FCRL4: variants seen among roughly 807,000 people sequenced by gnomAD.
FCRL4 encodes Fc receptor-like protein 4.
FCRL4 carries 43 observed loss-of-function variants against 64.1 expected under a neutral mutation model. The ratio of observed to expected loss-of-function variants is 0.67; its 90% CI spans 0.53 to 0.87. The LOEUF (loss-of-function observed/expected upper bound fraction) is 0.87. FCRL4 is among the 40% of genes least tolerant of loss of function. FCRL4 has a pLI of 0.00. For missense variants in FCRL4, 656 were observed against 613.5 expected, an observed-to-expected ratio of 1.07 and a Z score of -0.73; for synonymous variants, 253 against 239.8, an observed-to-expected ratio of 1.05 and a Z score of -0.51.
rs147238903 is a variant in FCRL4, at chr1:157,595,578, T to C, written c.52+750A>G. Among the ~76,000 whole-genome samples, 6 of 152,374 alleles carry C rather than the reference T, an allele frequency of 3.9e-5. No individual in the cohort carries two copies. In the South Asian group the frequency reaches 8.3e-4, roughly 21 times the overall value. On this transcript the variant is annotated intron_variant, in intron 2 of 11. Transcript: ENST00000271532. ...TGCAGTTAATTCAAGGCACTTTTTG[T>C]ATTTCATTTCCCCATTCTAGAACCA...
At position 157,592,382 on chromosome 1, in the gene FCRL4, C is replaced by T. The variant is rs1247588734; in HGVS notation, c.53-2924G>A. On this transcript the variant is annotated intron_variant, in intron 2 of 11. Coordinates refer to ENST00000271532, the MANE Select transcript of FCRL4 (RefSeq NM_031282.3). ...GCTAATATCCAGAATCTACAAAGAA[C>T]TTAAATTTACAAGAAAAAAAAACCC... Among the ~76,000 whole-genome samples the T allele has an allele frequency of 3.3e-5, 5 of 151,974 alleles. No individual in the cohort carries two copies. The South Asian group carries it at 1.0e-3, about 32-fold the overall frequency.
chr1:157,585,394 C>CTTT (rs1558155158), intron 6 of FCRL4, among the ~76,000 whole-genome samples: 4,435 of 75,796 alleles, frequency 0.059, 308 homozygotes, highest in Admixed American at 0.14. Context: ...TTCTTTCTTT[C>CTTT]CTTCTTTCTT....
chr1:157,574,932 G>A lies in FCRL4; in HGVS notation c.*592C>T, dbSNP rs1652365887. 1 of 214,328 alleles carries A rather than the reference G, an allele frequency of 4.7e-6. No individual in the cohort carries two copies. Among genetic ancestry groups the A allele is most frequent in the Non-Finnish European group, 9.4e-6 (1 of 106,256 alleles). The allele number at this position is 214,328 out of a possible 1,614,324, so 13.3% of individuals were successfully genotyped here. The stretch of plus-strand genomic sequence containing the variant: ...AGCTTGCATCTCCAGCTCTTCTGAT[G>A]TCCTCTTTTAAATTCCTCTCTCTGT... On this transcript the variant is annotated 3_prime_UTR_variant, in exon 12 of 12. Transcript: ENST00000271532.
At chr1:157,595,375 A>G (rs535947224) in intron 2 of FCRL4, among the ~76,000 whole-genome samples, 242 of 152,312 alleles carry the variant, frequency 1.6e-3, no homozygotes, top group African/African-American at 5.5e-3. Context: ...TAGGTCTTCT[A>G]CTGGAGGGAA....
chr1:157,581,425 G>T, intron 7 of FCRL4, 106 bp downstream of exon 7: 2 of 841,772 alleles, frequency 2.4e-6, no homozygotes, highest in Non-Finnish European at 3.9e-6. Flanking sequence ...GGAGACTTGG[G>T]AGTGGAGACT....
At position 157,587,286 on chromosome 1, in the gene FCRL4, G is replaced by T. The variant is rs767614914; in HGVS notation, c.837C>A (p.Ile279=). 74 of 1,613,888 alleles carry T rather than the reference G, an allele frequency of 4.6e-5. No individual in the cohort carries two copies. The highest frequency in any genetic ancestry group is 5.1e-5 in the Non-Finnish European group (60 of 1,179,936). ...NIHKHSPSLQ[I]HVQRIPVSGV... is the part of the protein sequence containing the mutation. ...CTCTCCAACACTCACGCTGCACATGGATCTGTAGCGAGGGACTGTGCTTGT... is the reference window on the plus strand; with the variant it reads ...CTCTCCAACACTCACGCTGCACATGTATCTGTAGCGAGGGACTGTGCTTGT... Residue 279 remains isoleucine (I), a synonymous_variant, in exon 5 of 12, where the codon ATC becomes ATA. Coordinates refer to ENST00000271532, the MANE Select transcript of FCRL4 (RefSeq NM_031282.3).
Position 157,588,011 on chromosome 1 carries a change from T to C in FCRL4, c.416A>G (p.Asn139Ser). The change falls in exon 4 of 12, where the codon AAT (asparagine) becomes AGT (serine). Residue 139 changes from asparagine (N) to serine (S), a missense_variant. Transcript: ENST00000271532. ...EKLTAVKYTW[N>S]GNILSISNKS... Reference sequence around the variant, plus strand: ...ATTAGAAATGGAAAGAATGTTTCCATTCCAAGTATATTTCACAGCAGTCAA... The same window carrying C: ...ATTAGAAATGGAAAGAATGTTTCCACTCCAAGTATATTTCACAGCAGTCAA... The C allele has an allele frequency of 6.2e-7, 1 of 1,613,312 alleles. No homozygotes were observed. The highest frequency in any genetic ancestry group is 1.6e-4 in the Middle Eastern group (1 of 6,062).
intron 10 of FCRL4, among the ~76,000 whole-genome samples, chr1:157,576,770 A>G (rs1408041566): frequency 6.6e-6 from 1 of 152,242 alleles, no homozygotes; most frequent in Admixed American, 6.5e-5. Context: ...ACAAAGTGAA[A>G]GACAAAACAA....
Position 157,578,520 on chromosome 1 carries a change from CAA to C in FCRL4, c.1381_1382del (p.Leu461GlyfsTer4). ...GAGTAGTCTGGATCTCAGAGTATAC[CAA>C]ATCTCCCTTTTTGGGGTGTACTGGA... Reference protein sequence around the residue: ...YVDVHPKKGDLVYSEIQTTQL... With the variant: ...YVDVHPKKGDXVYSEIQTTQL... On this transcript the variant is annotated frameshift_variant, in exon 10 of 12. Transcript: ENST00000271532. LOFTEE classifies it high-confidence loss of function. 1 of 1,613,976 alleles carries C rather than the reference CAA, an allele frequency of 6.2e-7. No homozygotes were observed.
At chr1:157,578,978 A>G in intron 8 of FCRL4, 126 bp from the exon 9 acceptor site, 1 of 712,434 alleles carries the variant, frequency 1.4e-6, no homozygotes, top group South Asian at 1.9e-5. Flanking sequence ...AGGGAACTGG[A>G]AAGCCTGAAT....
intron 5 of FCRL4, among the ~76,000 whole-genome samples, chr1:157,586,880 T>C (rs1386577461): frequency 1.3e-5 from 2 of 152,218 alleles, no homozygotes; most frequent in African/African-American, 2.4e-5. Flanking sequence ...GTACACATCA[T>C]AGGCACTCAC....
At chr1:157,578,438 A>G (rs1231031429) in intron 10 of FCRL4, 36 bp downstream of exon 10, 3 of 1,523,224 alleles carry the variant, frequency 2.0e-6, no homozygotes, top group African/African-American at 2.7e-5. Context: ...ATGAATGAAT[A>G]TAGTTTGCAG....
At chr1:157,586,595 C>T (rs567260864) in intron 5 of FCRL4, 140 bp from the exon 6 acceptor site, 1 of 695,988 alleles carries the variant, frequency 1.4e-6, no homozygotes, top group African/African-American at 1.8e-5. Context: ...GCCAATAGAC[C>T]ACAGATTTAG....
Position 157,586,329 on chromosome 1 carries a change from C to G in FCRL4, c.974G>C (p.Arg325Pro). 6.2e-7 allele frequency: 1 copy of G among 1,613,844 alleles called. No homozygotes were observed. Among genetic ancestry groups the G allele is most frequent in the Non-Finnish European group, 8.5e-7 (1 of 1,179,994 alleles). ...CCCCAGACTCTCCTGCATGTCCTCTCGGTGCCAGGAGAATGTGGTATCCCC... is the reference window on the plus strand; with the variant it reads ...CCCCAGACTCTCCTGCATGTCCTCTGGGTGCCAGGAGAATGTGGTATCCCC... ...GTGDTTFSWH[R>P]EDMQESLGRK... The change falls in exon 6 of 12, where the codon CGA (arginine) becomes CCA (proline). Residue 325 changes from arginine (R) to proline (P), a missense_variant. Arg to Pro is a moderately radical substitution (Grantham distance 103). Transcript: ENST00000271532.
In FCRL4 at chr1:157,581,610, C is replaced by G. The variant is rs747163553; in HGVS notation, c.1170G>C (p.Ala390=). 1 of 1,613,932 alleles carries G rather than the reference C, an allele frequency of 6.2e-7. No individual in the cohort carries two copies. Among genetic ancestry groups the G allele is most frequent in the African/African-American group, 1.3e-5 (1 of 74,918 alleles). ...CACTGAGCAGCCCTCCAGTGGCTCC[C>G]GCGGCGACAAGGCCATCTCTGTTGC... ...TPGNRDGLVA[A]GATGGLLSAL... Residue 390 remains alanine (A), a synonymous_variant, in exon 7 of 12, where the codon GCG becomes GCC. Coordinates refer to ENST00000271532, the MANE Select transcript of FCRL4 (RefSeq NM_031282.3).
chr1:157,582,142 T>A (rs1652574548), intron 6 of FCRL4, among the ~76,000 whole-genome samples: 1 of 152,186 alleles, frequency 6.6e-6, no homozygotes, highest in Non-Finnish European at 1.5e-5. Context: ...GCCTGTGTGC[T>A]CTGAAGGGCA....
intron 3 of FCRL4, among the ~76,000 whole-genome samples, chr1:157,588,401 A>G (rs1261964558): frequency 6.6e-6 from 1 of 152,198 alleles, no homozygotes; most frequent in Non-Finnish European, 1.5e-5. Flanking sequence ...AATCTCTGAC[A>G]TGATAGAGTA....
At position 157,589,515 on chromosome 1, in the gene FCRL4, T is replaced by C. The variant is rs1652787648; in HGVS notation, c.53-57A>G. ...GAGGTGCCTGCAGTCCCAGCTGCAG[T>C]GGCTTGTGTGGGTTACAGTGGAGGA... On this transcript the variant is annotated intron_variant, in intron 2 of 11. Coordinates refer to ENST00000271532, the MANE Select transcript of FCRL4 (RefSeq NM_031282.3). 3.8e-6 allele frequency: 6 copies of C among 1,585,692 alleles called. No individual in the cohort carries two copies. The Admixed American group carries it at 5.1e-5, about 13-fold the overall frequency.
chr1:157,587,322 C>T lies in FCRL4; in HGVS notation c.801G>A (p.Arg267=). The T allele has an allele frequency of 6.2e-7, 1 of 1,614,218 alleles. No individual in the cohort carries two copies. Among genetic ancestry groups the T allele is most frequent in the Non-Finnish European group, 8.5e-7 (1 of 1,180,034 alleles). ...GSYWCGAETV[R]GNIHKHSPSL... is the part of the protein sequence containing the mutation. ...AGGGACTGTGCTTGTGGATGTTACC[C>T]CTCACTGTTTCAGCACCACACCAAT... Residue 267 remains arginine (R), a synonymous_variant, in exon 5 of 12, where the codon AGG becomes AGA. Coordinates refer to ENST00000271532, the MANE Select transcript of FCRL4 (RefSeq NM_031282.3).
Sources: allele counts gnomAD v4.1 joint callset (sites outside exome capture counted in the v4.1 genomes callset), GRCh38; gene constraint gnomAD v4.1.1; transcripts MANE v1.5; gene names NCBI Gene and HGNC (gene_info 2026-07-23, HGNC 2026-07-21).